ABCA3: variants seen among roughly 807,000 people sequenced by gnomAD.
The protein encoded by ABCA3 is ATP binding cassette subfamily A member 3.
A neutral mutation model predicts 172.8 loss-of-function variants in ABCA3; 88 were observed. That is an observed-to-expected ratio of 0.51 (90% confidence interval 0.43 to 0.61). The LOEUF (loss-of-function observed/expected upper bound fraction) is 0.61. Ranked by LOEUF, ABCA3 falls within the 20% of genes least tolerant of loss-of-function variation. The probability of loss-of-function intolerance (pLI) is 0.00; values close to 1 mark genes in which losing one functional copy is unlikely to be tolerated. For synonymous variants in ABCA3, 1,066 were observed against 983.8 expected (o/e 1.08, Z -1.56); for missense variants, 2,164 against 2,301.0 (o/e 0.94, Z 1.22).
chr16:2,313,938 C>T (rs905573718), intron 10 of ABCA3, among the ~76,000 whole-genome samples: 8 of 151,704 alleles, frequency 5.3e-5, no homozygotes, highest in Non-Finnish European at 1.0e-4. Flanking sequence ...TGAGAGATAC[C>T]CCCTCACACC....
chr16:2,323,229 T>C, intron 7 of ABCA3: 1 of 498,338 alleles, frequency 2.0e-6, no homozygotes, highest in Admixed American at 3.3e-5. Flanking sequence ...AGTTCAACCA[T>C]TGTGGAAGTC....
rs2093661360 is a variant in ABCA3 at position 2,285,376 on chromosome 16, C to T, written c.3483+66G>A. On this transcript the variant is annotated intron_variant, in intron 23 of 32. Coordinates refer to ENST00000301732, the MANE Select transcript of ABCA3 (RefSeq NM_001089.3). This position sits in a 1 kb window ranked among gnomAD's most constrained non-coding sequence, Gnocchi z 4.7. ...CTGCCCAGCTGGTTCCGGTTCTGCA[C>T]AGGGGTCCCAGGGCAAGCCCTCTGC... The T allele has an allele frequency of 6.5e-7, 1 of 1,541,626 alleles. No individual in the cohort carries two copies. The highest frequency in any genetic ancestry group is 8.8e-7 in the Non-Finnish European group (1 of 1,140,528).
intron 28 of ABCA3, 63 bp downstream of exon 28, chr16:2,280,964 T>G: frequency 6.2e-7 from 1 of 1,606,494 alleles, no homozygotes; most frequent in African/African-American, 1.3e-5. Flanking sequence ...TGTCCCTGCC[T>G]CCAGGGTGCC....
chr16:2,305,765 G>A (rs1348364556), intron 11 of ABCA3, among the ~76,000 whole-genome samples: 1 of 151,514 alleles, frequency 6.6e-6, no homozygotes, highest in Non-Finnish European at 1.5e-5. Flanking sequence ...TGTAGTGATG[G>A]GGGTCTTGCT....
At chr16:2,319,875 C>A in intron 7 of ABCA3, 35 bp from the exon 8 acceptor site, 12 of 1,611,644 alleles carry the variant, frequency 7.4e-6, no homozygotes, top group Non-Finnish European at 1.0e-5. Flanking sequence ...CCAGCCACCT[C>A]GAGGAGCTGC....
At chr16:2,317,894 G>A (rs1478637677) in intron 8 of ABCA3, 130 bp from the exon 9 acceptor site, 1 of 791,916 alleles carries the variant, frequency 1.3e-6, no homozygotes, top group Non-Finnish European at 2.1e-6. Flanking sequence ...GTCTTACTAT[G>A]TCGGCCAGGC....
At chr16:2,317,220 AT>A (rs1275639940) in intron 10 of ABCA3, 62 bp downstream of exon 10, 1 of 1,607,618 alleles carries the variant, frequency 6.2e-7, no homozygotes, top group Middle Eastern at 1.7e-4. Flanking sequence ...CCTCTGGGTT[AT>A]TTCCATGCAG....
intron 1 of ABCA3, chr16:2,332,577 G>T (rs2093745067): frequency 2.2e-6 from 3 of 1,368,788 alleles, no homozygotes; most frequent in African/African-American, 1.4e-5. Context: ...ATCGCTCCTT[G>T]CTGAGAAGCA....
In ABCA3 at chr16:2,276,709, G is replaced by A. The variant is rs886051808; in HGVS notation, c.5080C>T (p.His1694Tyr). 4 of 1,613,648 alleles carry A rather than the reference G, an allele frequency of 2.5e-6. No individual in the cohort carries two copies. The East Asian group carries it at 6.7e-5, about 27-fold the overall frequency. ...TCCTCTGCGGTGGGCGGCTGCAGGT[G>A]GGCGAAGCTCAGGAAGACCTGTTCC... ...SLEQVFLSFA[H>Y]LQPPTAEEGR Residue 1694 changes from histidine to tyrosine, a missense_variant, in exon 33 of 33, where the codon CAC (histidine) becomes TAC (tyrosine). This residue lies in a region of ABCA3 where 795 missense variants were observed against 881.9 expected (regional missense o/e 0.90). Coordinates refer to ENST00000301732, the MANE Select transcript of ABCA3 (RefSeq NM_001089.3).
intron 18 of ABCA3, among the ~76,000 whole-genome samples, chr16:2,292,896 G>A (rs372934685): frequency 5.9e-5 from 9 of 152,006 alleles, no homozygotes; most frequent in South Asian, 2.1e-4. Flanking sequence ...CGGAGGTTGC[G>A]GTGAGCTGAG....
At chr16:2,325,967 A>C (rs2093733563) in intron 5 of ABCA3, 43 bp downstream of exon 5, 1 of 1,609,972 alleles carries the variant, frequency 6.2e-7, no homozygotes, top group African/African-American at 1.3e-5. Flanking sequence ...AGCCGCGTGG[A>C]GGCACCACTA....
rs1186893340 is a variant in ABCA3 at position 2,297,883 on chromosome 16, G to C, written c.1935C>G (p.Val645=). 6.2e-7 allele frequency: 1 copy of C among 1,613,844 alleles called. No individual in the cohort carries two copies. Among genetic ancestry groups the C allele is most frequent in the South Asian group, 1.1e-5 (1 of 91,082 alleles). The change falls in exon 16 of 33, where the codon GTC becomes GTG. Residue 645 remains valine (V), a synonymous_variant. Coordinates refer to ENST00000301732, the MANE Select transcript of ABCA3 (RefSeq NM_001089.3). The surrounding 1 kb of genome is among the most constrained non-coding windows in gnomAD (Gnocchi z 5.6). ...GGCCGATGATGTGCAGCATCTGCTT[G>C]ACTTCTTCAGGGCACTTCTGACGTG... ...GLSRQKCPEE[V]KQMLHIIGLE...
intron 18 of ABCA3, among the ~76,000 whole-genome samples, chr16:2,295,357 G>T (rs955813598): frequency 1.3e-5 from 2 of 152,234 alleles, no homozygotes; most frequent in African/African-American, 4.8e-5. Flanking sequence ...AGTCAGATAC[G>T]TGCTTCTCCT....
chr16:2,295,821 C>T lies in ABCA3; in HGVS notation c.2264-81G>A, dbSNP rs543314390. ...CCCACCCCGGGGTCTCTAGGGCTCA[C>T]ACCAGGCAAGCTGGTGGGAAGGAGG... On this transcript the variant is annotated intron_variant, in intron 17 of 32. Coordinates refer to ENST00000301732, the MANE Select transcript of ABCA3 (RefSeq NM_001089.3). 78 of 1,594,398 alleles carry T rather than the reference C, an allele frequency of 4.9e-5. 1 individual carries two copies. In the Admixed American group the frequency reaches 1.3e-3, roughly 26 times the overall value.
At chr16:2,330,721 C>T (rs1188389283) in intron 1 of ABCA3, among the ~76,000 whole-genome samples, 3 of 126,496 alleles carry the variant, frequency 2.4e-5, no homozygotes, top group Admixed American at 8.8e-5. Flanking sequence ...TTTTTTGAGA[C>T]GGAGTCTTAC....
In ABCA3 at chr16:2,318,851, C is replaced by T. The variant is rs75296052; in HGVS notation, c.873+730G>A. On this transcript the variant is annotated intron_variant, in intron 8 of 32. Coordinates refer to ENST00000301732, the MANE Select transcript of ABCA3 (RefSeq NM_001089.3). Reference sequence around the variant, plus strand: ...GCATAATTTCTGACCTACAGAACAGCGGGAAGAGGAGCACAATGGTCTCTC... The same window carrying T: ...GCATAATTTCTGACCTACAGAACAGTGGGAAGAGGAGCACAATGGTCTCTC... 3.7e-3 allele frequency among the ~76,000 whole-genome samples: 567 copies of T among 152,164 alleles called. 8 individuals carry two copies. In the East Asian group the frequency reaches 0.045, roughly 12 times the overall value.
At chr16:2,296,049 G>A (rs557761903) in intron 17 of ABCA3, among the ~76,000 whole-genome samples, 8 of 152,316 alleles carry the variant, frequency 5.3e-5, no homozygotes, top group African/African-American at 1.4e-4. Context: ...CAGCAGCGAC[G>A]GACCACGTGT....
At position 2,297,778 on chromosome 16, in the gene ABCA3, G is replaced by T. The variant is rs776349377; in HGVS notation, c.2040C>A (p.Ile680=). The T allele has an allele frequency of 6.2e-7, 1 of 1,612,338 alleles. No individual in the cohort carries two copies. Among genetic ancestry groups the T allele is most frequent in the Non-Finnish European group, 8.5e-7 (1 of 1,180,044 alleles). The part of the protein sequence containing the change: ...RRKLSIGIAL[I]AGSKVLILDE... ...CCCACCGCCACACCTTGGAGCCTGCGATGAGGGCGATGCCGATGGAGAGCT... is the reference window on the plus strand; with the variant it reads ...CCCACCGCCACACCTTGGAGCCTGCTATGAGGGCGATGCCGATGGAGAGCT... Residue 680 remains isoleucine, a synonymous_variant, in exon 16 of 33, where the codon ATC becomes ATA. Transcript: ENST00000301732. This position sits in a 1 kb window ranked among gnomAD's most constrained non-coding sequence, Gnocchi z 5.6.
At chr16:2,282,082 G>A (rs1567337077) in intron 26 of ABCA3, among the ~76,000 whole-genome samples, 1 of 152,178 alleles carries the variant, frequency 6.6e-6, no homozygotes, top group Non-Finnish European at 1.5e-5. Flanking sequence ...TAGCCACCAT[G>A]GCTGGCCTGA....
Sources: allele counts gnomAD v4.1 joint callset (sites outside exome capture counted in the v4.1 genomes callset), GRCh38; gene constraint gnomAD v4.1.1; regional missense constraint gnomAD v4.1.1; non-coding constraint Gnocchi (gnomAD v3.1); transcripts MANE v1.5; gene names NCBI Gene and HGNC (gene_info 2026-07-23, HGNC 2026-07-21).